Variants in NAA30 observed in about 807,000 individuals in gnomAD.
NAA30 encodes the protein N-alpha-acetyltransferase 30.
Under a neutral mutation model 31.4 loss-of-function variants are expected in NAA30, and 5 were observed. The ratio of observed to expected loss-of-function variants is 0.16; its 90% CI spans 0.08 to 0.33. NAA30 has a LOEUF of 0.33. Ranked by LOEUF, NAA30 falls within the 10% of genes least tolerant of loss-of-function variation. NAA30 has a pLI of 1.00. For missense variants in NAA30, 428 were observed against 490.8 expected (o/e 0.87, Z 1.21); for synonymous variants, 222 against 207.1 (o/e 1.07, Z -0.62).
chr14:57,395,669 T>C (rs1030648901), intron 2 of NAA30, among the ~76,000 whole-genome samples: 3 of 152,204 alleles, frequency 2.0e-5, no homozygotes, highest in Non-Finnish European at 4.4e-5. Context: ...TGGAAAGCTG[T>C]ACGTTTTTAT....
At chr14:57,405,476 A>G (rs1232423785) in intron 4 of NAA30, among the ~76,000 whole-genome samples, 1 of 151,878 alleles carries the variant, frequency 6.6e-6, no homozygotes, top group Non-Finnish European at 1.5e-5. Flanking sequence ...ATGCTATGTG[A>G]TAGAGCCTGC....
chr14:57,406,531 A>G (rs946321225), intron 4 of NAA30, among the ~76,000 whole-genome samples: 5 of 152,296 alleles, frequency 3.3e-5, no homozygotes, highest in Middle Eastern at 6.8e-3. Flanking sequence ...AAAATGGATA[A>G]CCACATCAAT....
chr14:57,403,141 G>A (rs566892854), intron 4 of NAA30, among the ~76,000 whole-genome samples: 2 of 151,750 alleles, frequency 1.3e-5, no homozygotes, highest in Admixed American at 6.6e-5. Context: ...AGATTGCACC[G>A]CTGCTTTCCA....
At position 57,391,184 on chromosome 14, in the gene NAA30, A is replaced by G; in HGVS notation, c.227A>G (p.Gln76Arg). ...AKGHPCLRCPQPPQEQQQLNG... is the reference protein window; with the variant it reads ...AKGHPCLRCPRPPQEQQQLNG... ...GGGCATCCGTGCCTCCGCTGCCCTCAGCCGCCGCAGGAGCAGCAGCAGCTC... is the reference window on the plus strand; with the variant it reads ...GGGCATCCGTGCCTCCGCTGCCCTCGGCCGCCGCAGGAGCAGCAGCAGCTC... The change falls in exon 2 of 5, where the codon CAG (glutamine) becomes CGG (arginine). Residue 76 changes from glutamine (Q) to arginine (R), a missense_variant. Gln to Arg is a conservative substitution (Grantham distance 43, BLOSUM62 1). Transcript: ENST00000556492. This position sits in a 1 kb window ranked among gnomAD's most constrained non-coding sequence, Gnocchi z 4.1. 1 of 1,610,490 alleles carries G rather than the reference A, an allele frequency of 6.2e-7. No individual in the cohort carries two copies.
In NAA30 at chr14:57,411,945, A is replaced by G. The variant is rs1227890135; in HGVS notation, c.*2429A>G. ...GGTTCACTTGGCTACAACTGAGCAAAATAGATGCAACTTTCTTTTAATGGG... is the reference window on the plus strand; with the variant it reads ...GGTTCACTTGGCTACAACTGAGCAAGATAGATGCAACTTTCTTTTAATGGG... On this transcript the variant is annotated 3_prime_UTR_variant, in exon 5 of 5. Transcript: ENST00000556492. 2.6e-5 allele frequency: 4 copies of G among 152,142 alleles called. No individual in the cohort carries two copies. The highest frequency in any genetic ancestry group is 7.2e-5 in the African/African-American group (3 of 41,446). The allele number at this position is 152,142 out of a possible 1,614,324, so 9.4% of individuals were successfully genotyped here.
intron 3 of NAA30, among the ~76,000 whole-genome samples, chr14:57,398,885 C>T (rs2066462130): frequency 6.6e-6 from 1 of 152,196 alleles, no homozygotes; most frequent in Non-Finnish European, 1.5e-5. Context: ...GATCCGCCCA[C>T]CTTGGCCTCC....
At position 57,399,887 on chromosome 14, in the gene NAA30, A is replaced by G; in HGVS notation, c.951+4A>G. 1 of 1,459,304 alleles carries G rather than the reference A, an allele frequency of 6.9e-7. No individual in the cohort carries two copies. The highest frequency in any genetic ancestry group is 9.5e-7 in the Non-Finnish European group (1 of 1,051,042). 90.4% of individuals were successfully genotyped at this position (1,459,304 alleles called of 1,614,324 possible). The stretch of plus-strand genomic sequence containing the variant: ...GGTTGAGGGAGACTGTGATGAGGTA[A>G]GTCTTTAAAAATGTTTAATATTTTT... On this transcript the variant is annotated splice_donor_region_variant and intron_variant, in intron 4 of 4. Transcript: ENST00000556492.
At position 57,411,751 on chromosome 14, in the gene NAA30, T is replaced by G. The variant is rs1269982706; in HGVS notation, c.*2235T>G. 6.6e-6 allele frequency: 1 copy of G among 152,098 alleles called. No homozygotes were observed. The highest frequency in any genetic ancestry group is 1.5e-5 in the Non-Finnish European group (1 of 67,982). 9.4% of individuals were successfully genotyped at this position (152,098 alleles called of 1,614,324 possible). ...TCTTTAATTGGGTATGCAAAAAAAT[T>G]TTTACTTAAGTAGATTAAAATTTTA... is the stretch of plus-strand genomic sequence containing the variant. On this transcript the variant is annotated 3_prime_UTR_variant, in exon 5 of 5. Transcript: ENST00000556492.
In NAA30 at chr14:57,412,721, C is replaced by T. The variant is rs1282726111; in HGVS notation, c.*3205C>T. 1 of 152,096 alleles carries T rather than the reference C, an allele frequency of 6.6e-6. No homozygotes were observed. Among genetic ancestry groups the T allele is most frequent in the African/African-American group, 2.4e-5 (1 of 41,430 alleles). 9.4% of individuals were successfully genotyped at this position (152,096 alleles called of 1,614,324 possible). On this transcript the variant is annotated 3_prime_UTR_variant, in exon 5 of 5. Transcript: ENST00000556492. Reference sequence around the variant, plus strand: ...ATGTGCAAGCTGTCTAAATAAGATGCAGTCAAATAAAGTATGGTTAAGTTG... The same window carrying T: ...ATGTGCAAGCTGTCTAAATAAGATGTAGTCAAATAAAGTATGGTTAAGTTG...
chr14:57,407,591 C>T (rs868841950), intron 4 of NAA30, among the ~76,000 whole-genome samples: 42 of 152,146 alleles, frequency 2.8e-4, no homozygotes, highest in Middle Eastern at 6.8e-3. Flanking sequence ...ATGGTGGGTT[C>T]CAGAAACTGA....
At chr14:57,392,111 C>G (rs1331369635) in intron 2 of NAA30, among the ~76,000 whole-genome samples, 1 of 152,198 alleles carries the variant, frequency 6.6e-6, no homozygotes, top group Non-Finnish European at 1.5e-5. Flanking sequence ...TTATTAGTCT[C>G]TCGATTACAA....
rs747130140 is a variant in NAA30 at position 57,409,538 on chromosome 14, C to G, written c.*22C>G. 3 of 1,590,392 alleles carry G rather than the reference C, an allele frequency of 1.9e-6. No individual in the cohort carries two copies. Among genetic ancestry groups the G allele is most frequent in the Non-Finnish European group, 2.6e-6 (3 of 1,172,074 alleles). On this transcript the variant is annotated 3_prime_UTR_variant, in exon 5 of 5. Transcript: ENST00000556492. ...TTGAGAAACTGACATCAAGGAACAA[C>G]TATCATCCGCACAGAATCGACCTTT...
Position 57,391,443 on chromosome 14 carries a change from C to T in NAA30, c.486C>T (p.Pro162=), listed in dbSNP as rs764772039. ...SPVEAAAASD[P]AAARNGLAEG... is the part of the protein sequence containing the mutation. ...TGGAGGCAGCGGCGGCGAGCGATCCCGCGGCGGCCCGCAATGGACTGGCCG... is the reference window on the plus strand; with the variant it reads ...TGGAGGCAGCGGCGGCGAGCGATCCTGCGGCGGCCCGCAATGGACTGGCCG... The change falls in exon 2 of 5, where the codon CCC becomes CCT. Residue 162 remains proline (P), a synonymous_variant. Coordinates refer to ENST00000556492, the MANE Select transcript of NAA30 (RefSeq NM_001011713.3). The surrounding 1 kb of genome is among the most constrained non-coding windows in gnomAD (Gnocchi z 4.1). 2 of 1,607,522 alleles carry T rather than the reference C, an allele frequency of 1.2e-6. No individual in the cohort carries two copies. Among genetic ancestry groups the T allele is most frequent in the Non-Finnish European group, 1.7e-6 (2 of 1,177,302 alleles).
intron 1 of NAA30, 81 bp from the exon 2 acceptor site, chr14:57,390,876 G>T (rs1210544872): frequency 2.1e-6 from 3 of 1,400,758 alleles, no homozygotes; most frequent in Non-Finnish European, 2.8e-6. Flanking sequence ...CACCTCGGCC[G>T]CCCCCCATCC....
At chr14:57,403,257 A>AT (rs11373422) in intron 4 of NAA30, among the ~76,000 whole-genome samples, 119,600 of 149,930 alleles carry the variant, frequency 0.8, 49,526 homozygotes, top group Admixed American at 0.9. Context: ...AAAAAGATAC[A>AT]TTGGAAATCT....
intron 4 of NAA30, among the ~76,000 whole-genome samples, chr14:57,406,711 T>G (rs1025493122): frequency 3.9e-5 from 6 of 152,232 alleles, no homozygotes; most frequent in Non-Finnish European, 7.3e-5. Flanking sequence ...GTTTCTCATA[T>G]TAAATTGCTT....
At position 57,391,829 on chromosome 14, in the gene NAA30, C is replaced by A; in HGVS notation, c.771+101C>A. 1 of 854,320 alleles carries A rather than the reference C, an allele frequency of 1.2e-6. No individual in the cohort carries two copies. The highest frequency in any genetic ancestry group is 1.8e-6 in the Non-Finnish European group (1 of 540,572). The allele number at this position is 854,320 out of a possible 1,614,324, so 52.9% of individuals were successfully genotyped here. ...ATGTGGCAGTGGATATCTCCTGCTG[C>A]GTATCATAGTACGTTATATGATGTC... On this transcript the variant is annotated intron_variant, in intron 2 of 4. Transcript: ENST00000556492. The surrounding 1 kb of genome is among the most constrained non-coding windows in gnomAD (Gnocchi z 4.1).
At position 57,391,330 on chromosome 14, in the gene NAA30, A is replaced by G. The variant is rs1454391448; in HGVS notation, c.373A>G (p.Thr125Ala). 7 of 1,611,724 alleles carry G rather than the reference A, an allele frequency of 4.3e-6. No individual in the cohort carries two copies. In the African/African-American group the frequency reaches 6.7e-5, roughly 15 times the overall value. The change falls in exon 2 of 5, where the codon ACT becomes GCT. Residue 125 changes from threonine (T) to alanine (A), a missense_variant. Physicochemically the swap from Thr to Ala is moderately conservative, Grantham distance 58. This residue lies in a region of NAA30 where 349 missense variants were observed against 310.4 expected (regional missense o/e 1.12). Coordinates refer to ENST00000556492, the MANE Select transcript of NAA30 (RefSeq NM_001011713.3). This position sits in a 1 kb window ranked among gnomAD's most constrained non-coding sequence, Gnocchi z 4.1. ...TATPDGGPRA[T>A]ATKGAGVHSG... The stretch of plus-strand genomic sequence containing the variant: ...CACCCCTGACGGAGGCCCCAGAGCG[A>G]CTGCAACAAAAGGAGCCGGGGTACA...
chr14:57,405,649 CTCTT>C (rs1397147537), intron 4 of NAA30, among the ~76,000 whole-genome samples: 11 of 152,090 alleles, frequency 7.2e-5, no homozygotes, highest in Admixed American at 5.9e-4. Context: ...TCTGGTCTCT[CTCTT>C]TGTCTATGCA....
Sources: allele counts gnomAD v4.1 joint callset (sites outside exome capture counted in the v4.1 genomes callset), GRCh38; gene constraint gnomAD v4.1.1; regional missense constraint gnomAD v4.1.1; non-coding constraint Gnocchi (gnomAD v3.1); transcripts MANE v1.5; gene names NCBI Gene and HGNC (gene_info 2026-07-23, HGNC 2026-07-21).